Variants in CABIN1 observed in about 807,000 individuals in gnomAD.
CABIN1 encodes calcineurin binding protein 1.
A neutral mutation model predicts 227.7 loss-of-function variants in CABIN1; 133 were observed. That is an observed-to-expected ratio of 0.58 (90% CI 0.51 to 0.67). CABIN1 has a LOEUF of 0.67. Ranked by LOEUF, CABIN1 falls within the 30% of genes least tolerant of loss-of-function variation. CABIN1 has a pLI of 0.00. For synonymous variants in CABIN1, 1,086 were observed against 1,155.1 expected, an observed-to-expected ratio of 0.94 and a Z score of 1.21; for missense variants, 2,408 against 2,852.5, an observed-to-expected ratio of 0.84 and a Z score of 3.55.
rs369624990 is a variant in CABIN1 at position 24,177,862 on chromosome 22, T to C, written c.6519+45T>C. The C allele has an allele frequency of 1.1e-4, 178 of 1,568,588 alleles. No individual in the cohort carries two copies. The African/African-American group carries it at 2.2e-3, about 19-fold the overall frequency. On this transcript the variant is annotated intron_variant, in intron 36 of 36. Coordinates refer to ENST00000263119, the MANE Select transcript of CABIN1 (RefSeq NM_012295.4). The surrounding 1 kb of genome is among the most constrained non-coding windows in gnomAD (Gnocchi z 4.4). Reference sequence around the variant, plus strand: ...TGGAGCCATGTGTGGGTGGGAGGCATAGGTTACAAAGGGGGCCTAGGATGG... The same window carrying C: ...TGGAGCCATGTGTGGGTGGGAGGCACAGGTTACAAAGGGGGCCTAGGATGG...
rs1376828679 is a variant in CABIN1, at chr22:24,134,288, T to C, written c.4633-14T>C. ...CCCACACACTCACTTTCAACCTACT[T>C]CTTGTTTCCCCAGAACCTCCAGTGG... On this transcript the variant is annotated splice_polypyrimidine_tract_variant and intron_variant, in intron 28 of 36. Coordinates refer to ENST00000263119, the MANE Select transcript of CABIN1 (RefSeq NM_012295.4). 6.2e-7 allele frequency: 1 copy of C among 1,609,416 alleles called. No individual in the cohort carries two copies. Among genetic ancestry groups the C allele is most frequent in the South Asian group, 1.1e-5 (1 of 90,648 alleles).
At chr22:24,122,992 A>G (rs745708332) in intron 28 of CABIN1, among the ~76,000 whole-genome samples, 3 of 152,232 alleles carry the variant, frequency 2.0e-5, no homozygotes, top group East Asian at 1.9e-4. Context: ...GCCCCAGGCA[A>G]TCTCATGCTG....
At chr22:24,092,019 A>G in intron 24 of CABIN1, 176 bp downstream of exon 24, 1 of 739,472 alleles carries the variant, frequency 1.4e-6, no homozygotes, top group South Asian at 1.9e-5. Context: ...TCTTTTCCCA[A>G]GGGGTGTTTA....
In CABIN1 at chr22:24,064,185, G is replaced by T; in HGVS notation, c.2035G>T (p.Glu679Ter). The change falls in exon 15 of 37, where the codon GAG (glutamate) becomes TAG (stop). Residue 679 changes from glutamate to a stop codon, truncating the protein, a stop_gained and splice_region_variant. Coordinates refer to ENST00000263119, the MANE Select transcript of CABIN1 (RefSeq NM_012295.4). LOFTEE classifies it high-confidence loss of function. ...LHNDSVVSLEEIDKNLKSLER... is the reference protein window; with the variant it reads ...LHNDSVVSLE ...TAATGACTCTGTGGTTTCCCTGGAG[G>T]AGGTAAGTGAGAATTTTCGTTTGTT... The T allele has an allele frequency of 6.2e-7, 1 of 1,614,188 alleles. No individual in the cohort carries two copies. Among genetic ancestry groups the T allele is most frequent in the East Asian group, 2.2e-5 (1 of 44,888 alleles).
chr22:24,042,826 G>T, intron 5 of CABIN1, 78 bp from the exon 6 acceptor site: 1 of 517,400 alleles, frequency 1.9e-6, no homozygotes, highest in Admixed American at 2.3e-5. Flanking sequence ...GACTGTGTGT[G>T]TGTGTGTGTG....
chr22:24,096,127 G>T (rs1375626941), intron 25 of CABIN1, 45 bp downstream of exon 25: 1 of 1,607,166 alleles, frequency 6.2e-7, no homozygotes. Flanking sequence ...TACCCCATCT[G>T]CATCCCAGAT....
chr22:24,127,418 C>T (rs1264589573), intron 28 of CABIN1, among the ~76,000 whole-genome samples: 1 of 152,184 alleles, frequency 6.6e-6, no homozygotes, highest in Non-Finnish European at 1.5e-5. Context: ...TGTGTCCACA[C>T]AGGTGGAGAA....
At chr22:24,060,434 G>T (rs1322410232) in intron 12 of CABIN1, among the ~76,000 whole-genome samples, 1 of 152,110 alleles carries the variant, frequency 6.6e-6, no homozygotes, top group Non-Finnish European at 1.5e-5. Flanking sequence ...TAATAGTGGG[G>T]TGCTGGTTTG....
At chr22:24,094,193 T>C (rs1478696155) in intron 24 of CABIN1, among the ~76,000 whole-genome samples, 1 of 152,218 alleles carries the variant, frequency 6.6e-6, no homozygotes, top group Non-Finnish European at 1.5e-5. Flanking sequence ...CATTCTCATA[T>C]GGCACCTCTG....
At position 24,119,355 on chromosome 22, in the gene CABIN1, TCTC is replaced by T. The variant is rs779530154; in HGVS notation, c.4301-11_4301-9del. 5.0e-6 allele frequency: 8 copies of T among 1,609,368 alleles called. No individual in the cohort carries two copies. The South Asian group carries it at 7.7e-5, about 15-fold the overall frequency. On this transcript the variant is annotated splice_polypyrimidine_tract_variant and intron_variant, in intron 27 of 36. Coordinates refer to ENST00000263119, the MANE Select transcript of CABIN1 (RefSeq NM_012295.4). The stretch of plus-strand genomic sequence containing the variant: ...ACCAGGGTGACTTTCTTTCCCTTCT[TCTC>T]AACTGTAGGAAAAAACGAGGAGTCA...
chr22:24,109,145 G>A (rs2042671480), intron 26 of CABIN1, among the ~76,000 whole-genome samples: 1 of 152,064 alleles, frequency 6.6e-6, no homozygotes, highest in Admixed American at 6.6e-5. Flanking sequence ...AGGTGACAGA[G>A]CAGAATTTCA....
In CABIN1 at chr22:24,178,072, A is replaced by T. The variant is rs749670991; in HGVS notation, c.6539A>T (p.Gln2180Leu). Residue 2180 changes from glutamine (Q) to leucine (L), a missense_variant, in exon 37 of 37, where the codon CAG becomes CTG. This residue lies in a region of CABIN1 where 714 missense variants were observed against 773.8 expected (regional missense o/e 0.92). Coordinates refer to ENST00000263119, the MANE Select transcript of CABIN1 (RefSeq NM_012295.4). ...CCGCAGTCAGCCATCCTTTCTGCCCAGTCTGCTGCCAACGTGAGGAAGGAG... is the reference window on the plus strand; with the variant it reads ...CCGCAGTCAGCCATCCTTTCTGCCCTGTCTGCTGCCAACGTGAGGAAGGAG... Reference protein sequence around the residue: ...QKLKSAILSAQSAANVRKESL... With the variant: ...QKLKSAILSALSAANVRKESL... 6.2e-7 allele frequency: 1 copy of T among 1,613,756 alleles called. No homozygotes were observed. Among genetic ancestry groups the T allele is most frequent in the Admixed American group, 1.7e-5 (1 of 60,028 alleles).
At chr22:24,043,146 G>A in intron 6 of CABIN1, 62 bp downstream of exon 6, 1 of 1,524,050 alleles carries the variant, frequency 6.6e-7, no homozygotes, top group South Asian at 1.1e-5. Context: ...CAGAGGAAAG[G>A]CAGTTTGGGT....
chr22:24,016,287 A>G (rs1053384719), intron 1 of CABIN1, among the ~76,000 whole-genome samples: 2 of 152,184 alleles, frequency 1.3e-5, no homozygotes, highest in Non-Finnish European at 2.9e-5. Flanking sequence ...ACTTAGGATA[A>G]TGTTTTCATG....
intron 29 of CABIN1, among the ~76,000 whole-genome samples, chr22:24,163,793 A>G (rs545140674): frequency 1.1e-4 from 16 of 152,216 alleles, no homozygotes; most frequent in Admixed American, 4.6e-4. Context: ...AGGTAAAGCA[A>G]GGACCAAGGG....
intron 1 of CABIN1, among the ~76,000 whole-genome samples, chr22:24,035,151 T>A (rs557191883): frequency 6.6e-6 from 1 of 152,304 alleles, no homozygotes; most frequent in African/African-American, 2.4e-5. Flanking sequence ...ATCATTCAGG[T>A]TTTGAAAAAA....
At chr22:24,157,854 G>C (rs2045928403) in intron 29 of CABIN1, among the ~76,000 whole-genome samples, 2 of 152,160 alleles carry the variant, frequency 1.3e-5, no homozygotes, top group South Asian at 2.1e-4. Context: ...GCTTTTCTGG[G>C]GGGGCGGGGA....
At chr22:24,148,348 C>T (rs1386469094) in intron 29 of CABIN1, among the ~76,000 whole-genome samples, 1 of 152,224 alleles carries the variant, frequency 6.6e-6, no homozygotes, top group East Asian at 1.9e-4. Context: ...TCTCTAAGGG[C>T]CCTGGCTGAC....
chr22:24,028,105 T>TA (rs1288437399), intron 1 of CABIN1, among the ~76,000 whole-genome samples: 1 of 152,198 alleles, frequency 6.6e-6, no homozygotes, highest in Non-Finnish European at 1.5e-5. Context: ...TATAGTCTAT[T>TA]AAGTGTGCAG....
Sources: gnomAD v4.1 joint callset for allele counts (sites outside exome capture counted in the v4.1 genomes callset) on GRCh38, gnomAD v4.1.1 for gene constraint, gnomAD v4.1.1 regional missense constraint, Gnocchi (gnomAD v3.1) non-coding constraint, MANE v1.5 for transcripts, NCBI Gene and HGNC (gene_info 2026-07-23, HGNC 2026-07-21) for gene names.